NUP214: variants seen among roughly 807,000 people sequenced by gnomAD.
The protein encoded by NUP214 is nuclear pore complex protein Nup214.
Under a neutral mutation model 196.2 loss-of-function variants are expected in NUP214, and 79 were observed. The observed-to-expected ratio is 0.40, with a 90% CI of 0.34 to 0.49. NUP214 has a LOEUF of 0.49. Ranked by LOEUF, NUP214 falls within the 20% of genes least tolerant of loss-of-function variation. The pLI, the probability that NUP214 is intolerant of heterozygous loss-of-function variation, is 0.58. For synonymous variants in NUP214, 1,020 were observed against 990.5 expected, an observed-to-expected ratio of 1.03 and a Z score of -0.56; for missense variants, 2,468 against 2,539.0, an observed-to-expected ratio of 0.97 and a Z score of 0.60.
intron 24 of NUP214, among the ~76,000 whole-genome samples, chr9:131,184,019 T>C (rs1216527592): frequency 1.4e-5 from 2 of 147,630 alleles, no homozygotes; most frequent in Non-Finnish European, 3.0e-5. Context: ...TTTTCTTTTT[T>C]CTTTTTCTTT....
chr9:131,221,550 G>A (rs937736893), intron 31 of NUP214, among the ~76,000 whole-genome samples: 1 of 152,144 alleles, frequency 6.6e-6, no homozygotes, highest in Non-Finnish European at 1.5e-5. Context: ...TAATGGGGGG[G>A]CCACCTCTTC....
chr9:131,139,488 T>C, intron 10 of NUP214, 81 bp downstream of exon 10: 1 of 1,563,918 alleles, frequency 6.4e-7, no homozygotes, highest in Non-Finnish European at 8.6e-7. Flanking sequence ...TACATGTTAC[T>C]GACAGAGTCT....
At chr9:131,231,912 CAA>C (rs900440054) in intron 34 of NUP214, among the ~76,000 whole-genome samples, 2,856 of 43,846 alleles carry the variant, frequency 0.065, 31 homozygotes, top group Middle Eastern at 0.1. Context: ...ACAACAACAG[CAA>C]AAAAAAAAAA....
chr9:131,221,307 G>A (rs1335954907), intron 31 of NUP214, among the ~76,000 whole-genome samples: 5 of 152,166 alleles, frequency 3.3e-5, no homozygotes, highest in African/African-American at 1.2e-4. Flanking sequence ...CCTTAGCCAG[G>A]CTCTCAAATT....
chr9:131,222,866 T>G lies in NUP214; in HGVS notation c.5838T>G (p.Thr1946=). ...TTGGAGAGCAGAAACCCACTGGCAC[T>G]TTCAGCTCTGGAGGAGGAAGTGTGG... ...SSFGEQKPTG[T]FSSGGGSVAS... is the part of the protein sequence containing the mutation. Residue 1946 remains threonine (T), a synonymous_variant, in exon 32 of 36, where the codon ACT becomes ACG. Coordinates refer to ENST00000359428, the MANE Select transcript of NUP214 (RefSeq NM_005085.4). The G allele has an allele frequency of 6.2e-7, 1 of 1,614,226 alleles. No homozygotes were observed.
rs752574340 is a variant in NUP214 at position 131,178,411 on chromosome 9, G to T, written c.3419+1G>T. 6.2e-7 allele frequency: 1 copy of T among 1,608,132 alleles called. No homozygotes were observed. Among genetic ancestry groups the T allele is most frequent in the Non-Finnish European group, 8.5e-7 (1 of 1,175,052 alleles). On this transcript the variant is annotated splice_donor_variant, in intron 24 of 35. Transcript: ENST00000359428. LOFTEE classifies it high-confidence loss of function. ...CTGCAACCCCTTCTACAGCCATGGG[G>T]TATGTTCTGACTGCAGTGTGTTTCA...
At chr9:131,230,998 C>CA (rs1048666833) in intron 34 of NUP214, among the ~76,000 whole-genome samples, 3 of 152,106 alleles carry the variant, frequency 2.0e-5, no homozygotes, top group East Asian at 1.9e-4. Flanking sequence ...CCATTCTCTA[C>CA]AAAAAATGTT....
Position 131,198,159 on chromosome 9 carries a change from A to T in NUP214, c.4665A>T (p.Ala1555=). 5 of 1,614,200 alleles carry T rather than the reference A, an allele frequency of 3.1e-6. No homozygotes were observed. The highest frequency in any genetic ancestry group is 1.1e-5 in the South Asian group (1 of 91,072). ...QPAVSNSGTA[A]SSTSLVALSA... ...CAGTCAGCAACTCTGGCACTGCAGC[A>T]TCTAGTACTAGTCTTGTAGCACTTT... The change falls in exon 29 of 36, where the codon GCA becomes GCT. Residue 1555 remains alanine (A), a synonymous_variant. Transcript: ENST00000359428.
intron 19 of NUP214, 90 bp from the exon 20 acceptor site, chr9:131,163,780 T>C: frequency 1.2e-6 from 1 of 854,034 alleles, no homozygotes; most frequent in Non-Finnish European, 1.9e-6. Context: ...TCTCATGTCT[T>C]GCATTTATAT....
chr9:131,198,211 G>A lies in NUP214; in HGVS notation c.4717G>A (p.Gly1573Arg). ...LSAEATPATTGVPDARTEAVP... is the reference protein window; with the variant it reads ...LSAEATPATTRVPDARTEAVP... ...TGCAGAGGCTACCCCAGCCACCACG[G>A]GGGTCCCTGATGCCAGGACGGAGGC... is the stretch of plus-strand genomic sequence containing the variant. Residue 1573 changes from glycine (G) to arginine (R), a missense_variant, in exon 29 of 36, where the codon GGG becomes AGG. Around this residue, in one of 5 missense-constraint regions of NUP214, gnomAD observed 1,801 missense variants for 1,779.4 expected, o/e 1.01. Coordinates refer to ENST00000359428, the MANE Select transcript of NUP214 (RefSeq NM_005085.4). 6.2e-7 allele frequency: 1 copy of A among 1,614,200 alleles called. No individual in the cohort carries two copies. The highest frequency in any genetic ancestry group is 1.1e-5 in the South Asian group (1 of 91,086).
chr9:131,142,599 T>G (rs1449013664), intron 11 of NUP214, among the ~76,000 whole-genome samples: 1 of 152,254 alleles, frequency 6.6e-6, no homozygotes, highest in Non-Finnish European at 1.5e-5. Flanking sequence ...TTGATTTATT[T>G]AGGGTCTGGT....
At chr9:131,136,125 C>A in intron 9 of NUP214, 119 bp downstream of exon 9, 1 of 780,328 alleles carries the variant, frequency 1.3e-6, no homozygotes, top group Middle Eastern at 3.9e-4. Flanking sequence ...ACTGCAACCT[C>A]TGCCTTCCAA....
chr9:131,139,255 C>CTTTTTTTTTTTTTTTTTTTTTTTTTTT (rs200377608), intron 9 of NUP214, 26 bp from the exon 10 acceptor site: 2 of 981,312 alleles, frequency 2.0e-6, no homozygotes, highest in African/African-American at 2.2e-5. Context: ...TCTTCTTCTT[C>CTTTTTTTTTTTTTTTTTTTTTTTTTTT]TTTTTTTTTT....
At chr9:131,174,937 G>A (rs1026181081) in intron 22 of NUP214, among the ~76,000 whole-genome samples, 2 of 152,110 alleles carry the variant, frequency 1.3e-5, no homozygotes, top group Admixed American at 1.3e-4. Context: ...GAAGTAAAAG[G>A]GGGCTGTTTG....
At chr9:131,152,870 G>T (rs1832316101) in intron 17 of NUP214, among the ~76,000 whole-genome samples, 1 of 151,860 alleles carries the variant, frequency 6.6e-6, no homozygotes, top group Non-Finnish European at 1.5e-5. Flanking sequence ...TCAACCTCTG[G>T]GCTCAAGTGA....
At chr9:131,131,745 G>A (rs1831549579) in intron 5 of NUP214, among the ~76,000 whole-genome samples, 1 of 151,974 alleles carries the variant, frequency 6.6e-6, no homozygotes, top group Non-Finnish European at 1.5e-5. Flanking sequence ...GTGCAATGGT[G>A]TGATAACGTA....
intron 6 of NUP214, 101 bp from the exon 7 acceptor site, chr9:131,133,004 AT>A (rs200244345): frequency 2.4e-3 from 1,926 of 806,954 alleles, no homozygotes; most frequent in Non-Finnish European, 2.7e-3. Context: ...AGGGCCTTTG[AT>A]TTTTTTTTTA....
chr9:131,198,606 C>G lies in NUP214; in HGVS notation c.5112C>G (p.Ser1704Arg). ...CAGCAGCTGCCACACCACAGGTCAG[C>G]AGCTCAGGGTTTAGCAGCCCAGCTT... ...ASTAAATPQV[S>R]SSGFSSPAFG... The change falls in exon 29 of 36, where the codon AGC becomes AGG. Residue 1704 changes from serine to arginine, a missense_variant. By Grantham distance (110) the Ser-to-Arg change is moderately radical. Transcript: ENST00000359428. 6.2e-7 allele frequency: 1 copy of G among 1,614,246 alleles called. No homozygotes were observed. Among genetic ancestry groups the G allele is most frequent in the Non-Finnish European group, 8.5e-7 (1 of 1,180,038 alleles).
chr9:131,212,465 A>G (rs1834273035), intron 30 of NUP214, among the ~76,000 whole-genome samples: 1 of 152,160 alleles, frequency 6.6e-6, no homozygotes, highest in Non-Finnish European at 1.5e-5. Flanking sequence ...GAACCTGCCA[A>G]CATGTGATGT....
Sources: gnomAD v4.1 joint callset for allele counts (sites outside exome capture counted in the v4.1 genomes callset) on GRCh38, gnomAD v4.1.1 for gene constraint, gnomAD v4.1.1 regional missense constraint, MANE v1.5 for transcripts, NCBI Gene and HGNC (gene_info 2026-07-23, HGNC 2026-07-21) for gene names.